CALR: variants seen among roughly 807,000 people sequenced by gnomAD.
CALR encodes calreticulin.
In CALR, 15 loss-of-function variants were observed where a neutral mutation model predicts 51.1. The observed-to-expected ratio is 0.29, with a 90% CI of 0.20 to 0.45. The LOEUF is 0.45. CALR is among the 20% of genes least tolerant of loss of function. The pLI is 1.00. For synonymous variants in CALR, 239 were observed against 205.9 expected (o/e 1.16, Z -1.38); for missense variants, 477 against 530.6 (o/e 0.90, Z 0.99).
In CALR at chr19:12,940,126, C is replaced by A. The variant is rs746354030; in HGVS notation, c.471C>A (p.Ile157=). The A allele has an allele frequency of 7.4e-6, 12 of 1,614,110 alleles. No individual in the cohort carries two copies. The South Asian group carries it at 9.9e-5, about 13-fold the overall frequency. The part of the protein sequence containing the change: ...IFNYKGKNVL[I]NKDIRCKDDE... Reference sequence around the variant, plus strand: ...ACTACAAGGGCAAGAACGTGCTGATCAACAAGGACATCCGTTGCAAGGTGT... The same window carrying A: ...ACTACAAGGGCAAGAACGTGCTGATAAACAAGGACATCCGTTGCAAGGTGT... The change falls in exon 4 of 9, where the codon ATC becomes ATA. Residue 157 remains isoleucine, a synonymous_variant. Coordinates refer to ENST00000316448, the MANE Select transcript of CALR (RefSeq NM_004343.4).
rs148604761 is a variant in CALR, at chr19:12,943,904, C to T, written c.1245C>T (p.Asp415=). The T allele has an allele frequency of 1.3e-4, 210 of 1,601,342 alleles. No individual in the cohort carries two copies. Among genetic ancestry groups the T allele is most frequent in the Admixed American group, 3.6e-4 (21 of 58,388 alleles). ...EEEDVPGQAK[D]EL ...AAGATGTCCCCGGCCAGGCCAAGGA[C>T]GAGCTGTAGAGAGGCCTGCCTCCAG... Residue 415 remains aspartate, a synonymous_variant, in exon 9 of 9, where the codon GAC becomes GAT. Coordinates refer to ENST00000316448, the MANE Select transcript of CALR (RefSeq NM_004343.4).
Position 12,943,804 on chromosome 19 carries a change from CAG to C in CALR, c.1148_1149del (p.Glu383GlyfsTer5). 6.3e-7 allele frequency: 1 copy of C among 1,587,566 alleles called. No homozygotes were observed. Among genetic ancestry groups the C allele is most frequent in the Non-Finnish European group, 8.6e-7 (1 of 1,166,746 alleles). On this transcript the variant is annotated frameshift_variant, in exon 9 of 9. Coordinates refer to ENST00000316448, the MANE Select transcript of CALR (RefSeq NM_004343.4). LOFTEE classifies it high-confidence loss of function. ...AAGAAACGCAAAGAGGAGGAGGAGG[CAG>C]AGGACAAGGAGGATGATGAGGACAA...
At chr19:12,942,311 T>C (rs2965220) in intron 7 of CALR, among the ~76,000 whole-genome samples, 104,738 of 149,724 alleles carry the variant, frequency 0.7, 37,044 homozygotes, top group East Asian at 0.84. Flanking sequence ...TGCAGTGAGC[T>C]GAGATCATGC....
At chr19:12,939,944 C>T (rs1366898568) in intron 3 of CALR, 109 bp from the exon 4 acceptor site, 2 of 835,102 alleles carry the variant, frequency 2.4e-6, no homozygotes, top group African/African-American at 3.4e-5. Flanking sequence ...CTCTTCTCAG[C>T]CTTGACAGAC....
At position 12,940,740 on chromosome 19, in the gene CALR, G is replaced by T. The variant is rs184881678; in HGVS notation, c.817-4G>T. 63 of 1,614,142 alleles carry T rather than the reference G, an allele frequency of 3.9e-5. No individual in the cohort carries two copies. The highest frequency in any genetic ancestry group is 5.0e-5 in the Admixed American group (3 of 60,014). On this transcript the variant is annotated splice_polypyrimidine_tract_variant and splice_region_variant and intron_variant, in intron 6 of 8. Transcript: ENST00000316448. ...ACCCTTCGGTTTCCTTCTCCCTTCT[G>T]CAGGGTGAGTGGAAGCCCCGGCAGA... is the stretch of plus-strand genomic sequence containing the variant.
rs760708514 is a variant in CALR, at chr19:12,940,767, C to A, written c.840C>A (p.Ile280=). The A allele has an allele frequency of 1.5e-5, 24 of 1,614,132 alleles. 1 individual carries two copies. The South Asian group carries it at 2.6e-4, about 18-fold the overall frequency. Residue 280 remains isoleucine (I), a synonymous_variant, in exon 7 of 9, where the codon ATC becomes ATA. Coordinates refer to ENST00000316448, the MANE Select transcript of CALR (RefSeq NM_004343.4). The part of the protein sequence containing the change: ...EYKGEWKPRQ[I]DNPDYKGTWI... ...AGGGTGAGTGGAAGCCCCGGCAGAT[C>A]GACAACCCAGATTACAAGGGCACTT...
chr19:12,940,018 T>A (rs1325224394), intron 3 of CALR, 35 bp from the exon 4 acceptor site: 1 of 1,442,676 alleles, frequency 6.9e-7, no homozygotes. Flanking sequence ...TGATGGGTAG[T>A]CTCTGACTCT....
In CALR at chr19:12,940,579, T is replaced by C. The variant is rs1462542765; in HGVS notation, c.741T>C (p.Ala247=). 17 of 1,613,970 alleles carry C rather than the reference T, an allele frequency of 1.1e-5. 1 individual carries two copies. The highest frequency in any genetic ancestry group is 5.5e-5 in the South Asian group (5 of 91,088). ...CCGAGCATATCCCTGACCCTGATGC[T>C]AAGAAGCCCGAGGACTGGGATGAAG... ...DKPEHIPDPD[A]KKPEDWDEEM... Residue 247 remains alanine, a synonymous_variant, in exon 6 of 9, where the codon GCT becomes GCC. Transcript: ENST00000316448.
chr19:12,943,639 G>C lies in CALR; in HGVS notation c.1053+10G>C, dbSNP rs370421106. ...GTGGGGCGTAACAAAGGTGAGGCCT[G>C]GTCCTGGTCCTGATGTCGGGGGCGG... On this transcript the variant is annotated intron_variant, in intron 8 of 8. Coordinates refer to ENST00000316448, the MANE Select transcript of CALR (RefSeq NM_004343.4). 1.8e-5 allele frequency: 29 copies of C among 1,614,048 alleles called. No homozygotes were observed. The highest frequency in any genetic ancestry group is 2.5e-5 in the Non-Finnish European group (29 of 1,180,028).
At chr19:12,943,654 G>A (rs1188649413) in intron 8 of CALR, 25 bp downstream of exon 8, 5 of 1,614,106 alleles carry the variant, frequency 3.1e-6, no homozygotes, top group Non-Finnish European at 4.2e-6. Context: ...TGGTCCTGAT[G>A]TCGGGGGCGG....
intron 2 of CALR, 66 bp downstream of exon 2, chr19:12,939,301 C>G: frequency 7.0e-7 from 1 of 1,429,332 alleles, no homozygotes; most frequent in Non-Finnish European, 9.8e-7. Flanking sequence ...TGTCTGTACA[C>G]ACACAGCCGG....
rs535373714 is a variant in CALR at position 12,944,242 on chromosome 19, G to T, written c.*329G>T. On this transcript the variant is annotated 3_prime_UTR_variant, in exon 9 of 9. Coordinates refer to ENST00000316448, the MANE Select transcript of CALR (RefSeq NM_004343.4). ...CTCCAACCTGGGGGGCAGTGGTGTG[G>T]AGAAGCCACAGGCCTGAGATTTCAT... 128 of 462,206 alleles carry T rather than the reference G, an allele frequency of 2.8e-4. No individual in the cohort carries two copies. The East Asian group carries it at 4.4e-3, about 16-fold the overall frequency. 28.6% of individuals were successfully genotyped at this position (462,206 alleles called of 1,614,324 possible). A position where few individuals can be genotyped will look rare whatever the true frequency, so the allele number is the denominator to read the frequency against.
Position 12,940,903 on chromosome 19 carries a change from A to C in CALR, c.960+16A>C, listed in dbSNP as rs375710146. 1.7e-5 allele frequency: 28 copies of C among 1,613,854 alleles called. No homozygotes were observed. The highest frequency in any genetic ancestry group is 2.3e-5 in the Non-Finnish European group (27 of 1,179,758). On this transcript the variant is annotated intron_variant, in intron 7 of 8. Coordinates refer to ENST00000316448, the MANE Select transcript of CALR (RefSeq NM_004343.4). ...CCTCTGGCAGGTGAGACTTGGAGGA[A>C]AAAGGAGGATCCCTGGGGTACCTCA...
chr19:12,940,027 C>T, intron 3 of CALR, 26 bp from the exon 4 acceptor site: 1 of 1,544,882 alleles, frequency 6.5e-7, no homozygotes, highest in South Asian at 1.1e-5. Flanking sequence ...GTCTCTGACT[C>T]TTAACTGGAT....
Position 12,940,288 on chromosome 19 carries a change from A to G in CALR, c.538A>G (p.Asn180Asp). ...HLYTLIVRPDNTYEVKIDNSQ... is the reference protein window; with the variant it reads ...HLYTLIVRPDDTYEVKIDNSQ... ...GTACACACTGATTGTGCGGCCAGAC[A>G]ACACCTATGAGGTGAAGATTGACAA... Residue 180 changes from asparagine (N) to aspartate (D), a missense_variant, in exon 5 of 9, where the codon AAC (asparagine) becomes GAC (aspartate). Transcript: ENST00000316448. The G allele has an allele frequency of 8.1e-6, 13 of 1,614,238 alleles. No individual in the cohort carries two copies. The highest frequency in any genetic ancestry group is 2.2e-5 in the East Asian group (1 of 44,894).
chr19:12,940,090 T>C lies in CALR; in HGVS notation c.435T>C (p.His145=), dbSNP rs1971524802. The C allele has an allele frequency of 2.5e-6, 4 of 1,614,188 alleles. No homozygotes were observed. The highest frequency in any genetic ancestry group is 2.2e-5 in the South Asian group (2 of 91,084). Residue 145 remains histidine (H), a synonymous_variant, in exon 4 of 9, where the codon CAT becomes CAC. Coordinates refer to ENST00000316448, the MANE Select transcript of CALR (RefSeq NM_004343.4). ...DICGPGTKKV[H]VIFNYKGKNV... ...GTGGCCCTGGCACCAAGAAGGTTCATGTCATCTTCAACTACAAGGGCAAGA... is the reference window on the plus strand; with the variant it reads ...GTGGCCCTGGCACCAAGAAGGTTCACGTCATCTTCAACTACAAGGGCAAGA...
intron 3 of CALR, 98 bp downstream of exon 3, chr19:12,939,729 A>C (rs1971520223): frequency 4.9e-6 from 5 of 1,028,330 alleles, no homozygotes; most frequent in African/African-American, 4.7e-5. Context: ...TTGGAAGGGG[A>C]GCTAAAAGAA....
At chr19:12,938,813 C>T (rs763780070) in intron 1 of CALR, 43 bp downstream of exon 1, 41 of 1,433,336 alleles carry the variant, frequency 2.9e-5, no homozygotes, top group Non-Finnish European at 3.9e-5. Flanking sequence ...ACGACGCGGC[C>T]GGCCCCCGAT....
intron 7 of CALR, among the ~76,000 whole-genome samples, chr19:12,942,358 C>T (rs1476328107): frequency 7.0e-6 from 1 of 141,958 alleles, no homozygotes; most frequent in African/African-American, 2.5e-5. Context: ...GAGACTCTGT[C>T]CCAAAAAAAA....
Sources: gnomAD v4.1 joint callset for allele counts (sites outside exome capture counted in the v4.1 genomes callset) on GRCh38, gnomAD v4.1.1 for gene constraint, MANE v1.5 for transcripts, NCBI Gene and HGNC (gene_info 2026-07-23, HGNC 2026-07-21) for gene names.